Variants in SLC5A4 observed in about 807,000 individuals in gnomAD.
The protein encoded by SLC5A4 is solute carrier family 5 member 4.
A neutral mutation model predicts 70.3 loss-of-function variants in SLC5A4; 55 were observed. That is an observed-to-expected ratio of 0.78 (90% confidence interval 0.63 to 0.98). The LOEUF is 0.98. Among genes scored for constraint, SLC5A4 ranks in the 50% least tolerant of loss-of-function variants. The probability of loss-of-function intolerance (pLI) is 0.00; values close to 1 mark genes in which losing one functional copy is unlikely to be tolerated. For missense variants in SLC5A4, 735 were observed against 839.2 expected (o/e 0.88, Z 1.53); for synonymous variants, 268 against 305.7 (o/e 0.88, Z 1.29).
At chr22:32,328,097 A>ACACACACAC in the SLC5A4 span, among the ~76,000 whole-genome samples, 4,601 of 108,790 alleles carry the variant, frequency 0.042, 115 homozygotes, top group Middle Eastern at 0.081. Context: ...CCAACACACA[A>ACACACACAC]ACACACACAC....
the SLC5A4 span, chr22:32,273,056 C>T: frequency 1.1e-5 from 6 of 523,566 alleles, no homozygotes; most frequent in South Asian, 3.0e-5. Context: ...GCACCATATC[C>T]GACATCATCC....
the SLC5A4 span, among the ~76,000 whole-genome samples, chr22:32,278,687 T>G: frequency 1.3e-5 from 2 of 152,188 alleles, no homozygotes; most frequent in Non-Finnish European, 2.9e-5. Context: ...TAATTTAAAA[T>G]GAATTCAAGG....
the SLC5A4 span, chr22:32,271,687 G>C: frequency 1.7e-6 from 1 of 578,398 alleles, no homozygotes; most frequent in South Asian, 1.8e-5. Context: ...TGCTGCGGCT[G>C]CACCCCGTGG....
rs1440105976 is a variant in SLC5A4, at chr22:32,238,995, G to A, written c.573C>T (p.Tyr191=). The A allele has an allele frequency of 1.2e-6, 2 of 1,612,238 alleles. No individual in the cohort carries two copies. The highest frequency in any genetic ancestry group is 1.7e-6 in the Non-Finnish European group (2 of 1,178,280). Residue 191 remains tyrosine, a synonymous_variant, in exon 6 of 15, where the codon TAC becomes TAT. Transcript: ENST00000266086. Reference sequence around the variant, plus strand: ...ATGCAACATACTTACCAGTGGTGGTGTAAACAGCAGTCATAGCCAAGAGGA... The same window carrying A: ...ATGCAACATACTTACCAGTGGTGGTATAAACAGCAGTCATAGCCAAGAGGA... The part of the protein sequence containing the change: ...IFILLAMTAV[Y]TTTGGLASVI...
chr22:32,330,917 TGGAGGCCTC>T, the SLC5A4 span, among the ~76,000 whole-genome samples: 15 of 55,944 alleles, frequency 2.7e-4, no homozygotes, highest in East Asian at 5.4e-4. Flanking sequence ...GTGTGTGTGT[TGGAGGCCTC>T]TGGTGTGTAT....
the SLC5A4 span, among the ~76,000 whole-genome samples, chr22:32,290,667 A>T: frequency 0.48 from 73,512 of 151,988 alleles, 17,927 homozygotes; most frequent in Admixed American, 0.52. Context: ...GGGAAGTCCA[A>T]GATCAGGGAA....
chr22:32,325,585 C>T, the SLC5A4 span, among the ~76,000 whole-genome samples: 1 of 152,196 alleles, frequency 6.6e-6, no homozygotes, highest in Non-Finnish European at 1.5e-5. Flanking sequence ...GGTGTCTGGA[C>T]CTGATCCCGA....
chr22:32,334,205 T>C, the SLC5A4 span, among the ~76,000 whole-genome samples: 1 of 152,020 alleles, frequency 6.6e-6, no homozygotes, highest in Non-Finnish European at 1.5e-5. Flanking sequence ...CACAGACTCC[T>C]GCTCACCTGT....
chr22:32,327,314 G>A, the SLC5A4 span: 6 of 152,434 alleles, frequency 3.9e-5, no homozygotes, highest in Admixed American at 1.3e-4. Flanking sequence ...ACTGGGCACA[G>A]ATCCAGGCTG....
At chr22:32,341,598 G>A in the SLC5A4 span, among the ~76,000 whole-genome samples, 4 of 152,144 alleles carry the variant, frequency 2.6e-5, 1 homozygote, top group South Asian at 4.1e-4. Flanking sequence ...CGTGAACAGC[G>A]GGGAAGGCTC....
the SLC5A4 span, among the ~76,000 whole-genome samples, chr22:32,286,684 AT>A: frequency 1.1e-4 from 16 of 152,336 alleles, no homozygotes; most frequent in East Asian, 2.3e-3. Flanking sequence ...TGTACTATTA[AT>A]GGTAACACAC....
intron 11 of SLC5A4, 128 bp downstream of exon 11, chr22:32,229,066 C>A (rs764439321): frequency 1.1e-5 from 9 of 807,990 alleles, no homozygotes; most frequent in Non-Finnish European, 1.7e-5. Context: ...TTGATGTACT[C>A]CAATGTCTCT....
chr22:32,229,868 A>G (rs1463497862), intron 10 of SLC5A4, among the ~76,000 whole-genome samples: 1 of 152,254 alleles, frequency 6.6e-6, no homozygotes, highest in Non-Finnish European at 1.5e-5. Flanking sequence ...TTTTAGTCCT[A>G]AACATGAACT....
At chr22:32,352,592 T>G in the SLC5A4 span, among the ~76,000 whole-genome samples, 1 of 152,142 alleles carries the variant, frequency 6.6e-6, no homozygotes, top group South Asian at 2.1e-4. Flanking sequence ...TTCCCCTGGC[T>G]GCACCTCCAC....
At chr22:32,311,680 G>A in the SLC5A4 span, among the ~76,000 whole-genome samples, 1 of 152,040 alleles carries the variant, frequency 6.6e-6, no homozygotes, top group Admixed American at 6.6e-5. Context: ...GGCTCCCCAG[G>A]GGCAGAGATG....
At chr22:32,271,371 C>A in the SLC5A4 span, 3 of 743,414 alleles carry the variant, frequency 4.0e-6, no homozygotes, top group Non-Finnish European at 7.3e-6. Flanking sequence ...GCTGGGCAGC[C>A]GCCAGAGCAC....
At chr22:32,304,391 TC>T in the SLC5A4 span, among the ~76,000 whole-genome samples, 2 of 152,336 alleles carry the variant, frequency 1.3e-5, no homozygotes, top group African/African-American at 4.8e-5. Flanking sequence ...TCCACCCGCC[TC>T]AGCCTCTCAA....
intron 11 of SLC5A4, among the ~76,000 whole-genome samples, chr22:32,227,245 T>C (rs1035302071): frequency 3.3e-4 from 51 of 152,342 alleles, no homozygotes; most frequent in African/African-American, 9.9e-4. Flanking sequence ...TACTTTATCA[T>C]TGAGACTTAA....
the SLC5A4 span, among the ~76,000 whole-genome samples, chr22:32,305,868 G>A: frequency 2.7e-5 from 4 of 147,354 alleles, no homozygotes; most frequent in South Asian, 2.1e-4. Context: ...GCTCTGTCTC[G>A]TCTGGTGCCA....
Sources: allele counts gnomAD v4.1 joint callset (sites outside exome capture counted in the v4.1 genomes callset), GRCh38; gene constraint gnomAD v4.1.1; transcripts MANE v1.5; gene names NCBI Gene and HGNC (gene_info 2026-07-23, HGNC 2026-07-21).